The following KRT6B variants were observed in gnomAD, a reference collection of about 807,000 sequenced individuals.
The protein encoded by KRT6B is keratin, type II cytoskeletal 6B.
Under a neutral mutation model 44.7 loss-of-function variants are expected in KRT6B, and 29 were observed. The observed-to-expected ratio is 0.65, with a 90% CI of 0.48 to 0.88. The LOEUF is 0.88. KRT6B is among the 40% of genes least tolerant of loss of function. The pLI is 0.00. For missense variants in KRT6B, 600 were observed against 724.0 expected, an observed-to-expected ratio of 0.83 and a Z score of 1.97; for synonymous variants, 213 against 296.0, an observed-to-expected ratio of 0.72 and a Z score of 2.88.
chr12:52,452,060 TG>T lies in KRT6B; in HGVS notation c.18del (p.Thr7ProfsTer139). MASTS[T>X]TIRSHSSSRR... ...CGGCTGCTGCTGTGGCTCCTGATGG[TG>T]GTGGATGTGCTGGCCATGGTTCCAG... is the stretch of plus-strand genomic sequence containing the variant. On this transcript the variant is annotated frameshift_variant, in exon 1 of 9. Transcript: ENST00000252252. LOFTEE classifies it high-confidence loss of function. The T allele has an allele frequency of 6.2e-7, 1 of 1,613,838 alleles. No homozygotes were observed. Among genetic ancestry groups the T allele is most frequent in the Non-Finnish European group, 8.5e-7 (1 of 1,179,942 alleles).
Position 52,447,782 on chromosome 12 carries a change from A to C in KRT6B, c.1420T>G (p.Cys474Gly). The C allele has an allele frequency of 6.2e-7, 1 of 1,613,570 alleles. No individual in the cohort carries two copies. The highest frequency in any genetic ancestry group is 2.2e-5 in the East Asian group (1 of 44,840). Residue 474 changes from cysteine to glycine, a missense_variant, in exon 7 of 9, where the codon TGC (cysteine) becomes GGC (glycine). Physicochemically the swap from Cys to Gly is radical, Grantham distance 159. Around this residue, in one of 4 missense-constraint regions of KRT6B, gnomAD observed 479 missense variants for 454.2 expected, o/e 1.05. Coordinates refer to ENST00000252252, the MANE Select transcript of KRT6B (RefSeq NM_005555.4). ...GAAGTCGCGTCAGTTACCCACCTGC[A>C]CTCCTCGCCCTCCAGCAGCTTGCGG... Reference protein sequence around the residue: ...TYRKLLEGEECRLNGEGVGQV... With the variant: ...TYRKLLEGEEGRLNGEGVGQV...
Position 52,449,534 on chromosome 12 carries a change from T to C in KRT6B, c.1012A>G (p.Lys338Glu). The C allele has an allele frequency of 6.2e-7, 1 of 1,614,236 alleles. No homozygotes were observed. The highest frequency in any genetic ancestry group is 1.1e-5 in the South Asian group (1 of 91,084). ...LDLDSIIAEV[K>E]AQYEEIAQRS... is the part of the protein sequence containing the mutation. ...TGAGCAATCTCCTCATATTGGGCCT[T>C]GACCTCAGCGATGATGCTGTCCAGG... Residue 338 changes from lysine to glutamate, a missense_variant, in exon 5 of 9, where the codon AAG (lysine) becomes GAG (glutamate). Lys to Glu is a moderately conservative substitution (Grantham distance 56). This residue lies in a region of KRT6B where 479 missense variants were observed against 454.2 expected (regional missense o/e 1.05). Transcript: ENST00000252252.
chr12:52,450,006 G>C lies in KRT6B; in HGVS notation c.816+6C>G. 6.2e-7 allele frequency: 1 copy of C among 1,613,990 alleles called. No individual in the cohort carries two copies. Among genetic ancestry groups the C allele is most frequent in the Non-Finnish European group, 8.5e-7 (1 of 1,179,870 alleles). On this transcript the variant is annotated splice_donor_region_variant and intron_variant, in intron 3 of 8. Coordinates refer to ENST00000252252, the MANE Select transcript of KRT6B (RefSeq NM_005555.4). ...TGAATTTGAACCCCTGGCTTCATCT[G>C]CTCACCTTCTTCAGAGTCACAAATT...
intron 5 of KRT6B, among the ~76,000 whole-genome samples, chr12:52,449,265 C>G (rs7136279): frequency 0.032 from 4,825 of 152,250 alleles, 220 homozygotes; most frequent in African/African-American, 0.1. Flanking sequence ...CCTTGTCTAT[C>G]GTAGCTTGCC....
In KRT6B at chr12:52,447,979, G is replaced by A. The variant is rs764818442; in HGVS notation, c.1223C>T (p.Ala408Val). 2.0e-5 allele frequency: 32 copies of A among 1,613,992 alleles called. No homozygotes were observed. Among genetic ancestry groups the A allele is most frequent in the Non-Finnish European group, 2.6e-5 (31 of 1,180,038 alleles). Residue 408 changes from alanine (A) to valine (V), a missense_variant, in exon 7 of 9, where the codon GCC becomes GTC. Physicochemically the swap from Ala to Val is moderately conservative, Grantham distance 64 (BLOSUM62 0). Around this residue, in one of 4 missense-constraint regions of KRT6B, gnomAD observed 479 missense variants for 454.2 expected, o/e 1.05. Transcript: ENST00000252252. ...VKKQCANLQA[A>V]IADAEQRGEM... ...CCCACGCTGCTCAGCATCAGCAATG[G>A]CGGCCTGTAGGTTGGCACACTAGGA...
rs1940320255 is a variant in KRT6B at position 52,446,974 on chromosome 12, A to G, written c.*216T>C. On this transcript the variant is annotated 3_prime_UTR_variant, in exon 9 of 9. Coordinates refer to ENST00000252252, the MANE Select transcript of KRT6B (RefSeq NM_005555.4). ...TAATAATACGGGAACTAAAAAGGACATTCGCATGTCTGAGTGCTGATAACT... is the reference window on the plus strand; with the variant it reads ...TAATAATACGGGAACTAAAAAGGACGTTCGCATGTCTGAGTGCTGATAACT... 3.2e-6 allele frequency: 2 copies of G among 616,082 alleles called. No individual in the cohort carries two copies. Among genetic ancestry groups the G allele is most frequent in the East Asian group, 5.5e-5 (2 of 36,192 alleles). 38.2% of individuals were successfully genotyped at this position (616,082 alleles called of 1,614,324 possible). A position where few individuals can be genotyped will look rare whatever the true frequency, so the allele number is the denominator to read the frequency against.
chr12:52,449,269 G>A (rs1940359422), intron 5 of KRT6B, among the ~76,000 whole-genome samples, 200 bp downstream of exon 5: 2 of 152,216 alleles, frequency 1.3e-5, no homozygotes, highest in Admixed American at 1.3e-4. Flanking sequence ...GTCTATCGTA[G>A]CTTGCCTCCT....
At chr12:52,447,668 C>G in intron 7 of KRT6B, 95 bp from the exon 8 acceptor site, 1 of 1,613,944 alleles carries the variant, frequency 6.2e-7, no homozygotes, top group African/African-American at 1.3e-5. Context: ...TTTTAGTTTT[C>G]TCCCAAGAAG....
Position 52,446,980 on chromosome 12 carries a change from A to G in KRT6B, c.*210T>C, listed in dbSNP as rs1346595352. The G allele has an allele frequency of 4.8e-6, 3 of 621,688 alleles. No individual in the cohort carries two copies. Among genetic ancestry groups the G allele is most frequent in the Non-Finnish European group, 8.4e-6 (3 of 355,402 alleles). 38.5% of individuals were successfully genotyped at this position (621,688 alleles called of 1,614,324 possible). Reference sequence around the variant, plus strand: ...TACGGGAACTAAAAAGGACATTCGCATGTCTGAGTGCTGATAACTGTTGAC... The same window carrying G: ...TACGGGAACTAAAAAGGACATTCGCGTGTCTGAGTGCTGATAACTGTTGAC... On this transcript the variant is annotated 3_prime_UTR_variant, in exon 9 of 9. Transcript: ENST00000252252.
chr12:52,451,604 C>A lies in KRT6B; in HGVS notation c.475G>T (p.Val159Leu). 1.9e-6 allele frequency: 3 copies of A among 1,613,432 alleles called. No individual in the cohort carries two copies. The South Asian group carries it at 3.3e-5, about 18-fold the overall frequency. Residue 159 changes from valine (V) to leucine (L), a missense_variant, in exon 1 of 9, where the codon GTG (valine) becomes TTG (leucine). Coordinates refer to ENST00000252252, the MANE Select transcript of KRT6B (RefSeq NM_005555.4). ...ATCTGCTCACGCTCCTCGGCCCGCA[C>A]CCGCTGGATGGCGGGGTCAATTTGC... Reference protein sequence around the residue: ...NLQIDPAIQRVRAEEREQIKT... With the variant: ...NLQIDPAIQRLRAEEREQIKT...
Position 52,447,435 on chromosome 12 carries a change from G to C in KRT6B, c.1460-10C>G. On this transcript the variant is annotated splice_polypyrimidine_tract_variant and intron_variant, in intron 8 of 8. Coordinates refer to ENST00000252252, the MANE Select transcript of KRT6B (RefSeq NM_005555.4). The stretch of plus-strand genomic sequence containing the variant: ...GTGGACTGCACTACAGCTGTGGTGG[G>C]GAGGGGACAAGGACACAAGAAGCCA... 3 of 1,614,068 alleles carry C rather than the reference G, an allele frequency of 1.9e-6. No homozygotes were observed. The highest frequency in any genetic ancestry group is 2.5e-6 in the Non-Finnish European group (3 of 1,179,948).
chr12:52,447,501 T>C lies in KRT6B; in HGVS notation c.1459+38A>G, dbSNP rs746534737. The C allele has an allele frequency of 1.1e-5, 17 of 1,613,378 alleles. No individual in the cohort carries two copies. In the Admixed American group the frequency reaches 2.2e-4, roughly 21 times the overall value. On this transcript the variant is annotated intron_variant, in intron 8 of 8. Transcript: ENST00000252252. ...GCCGGCCTGAGCCCAGTCAGGAGAG[T>C]GCAAGGGCAGGGGAGGAAGGCAAAC...
At chr12:52,448,424 T>C (rs417466) in intron 6 of KRT6B, among the ~76,000 whole-genome samples, 74,081 of 152,068 alleles carry the variant, frequency 0.49, 18,340 homozygotes, top group East Asian at 0.69. Flanking sequence ...TCCTCTCACC[T>C]GCTTGGGCCA....
At position 52,448,842 on chromosome 12, in the gene KRT6B, C is replaced by G; in HGVS notation, c.1203G>C (p.Gln401His). 1 of 1,614,108 alleles carries G rather than the reference C, an allele frequency of 6.2e-7. No individual in the cohort carries two copies. Among genetic ancestry groups the G allele is most frequent in the Non-Finnish European group, 8.5e-7 (1 of 1,180,028 alleles). The change falls in exon 6 of 9, where the codon CAG (glutamine) becomes CAC (histidine). Residue 401 changes from glutamine to histidine, a missense_variant and splice_region_variant. Physicochemically the swap from Gln to His is conservative, Grantham distance 24. Transcript: ENST00000252252. ...TCTCCTCCATTGCCCCTCACCATACCTGCTTCTTGACGTGGTCGATCTCAG... is the reference window on the plus strand; with the variant it reads ...TCTCCTCCATTGCCCCTCACCATACGTGCTTCTTGACGTGGTCGATCTCAG... ...LRSEIDHVKK[Q>H]CANLQAAIAD...
chr12:52,450,641 T>C, intron 1 of KRT6B, 21 bp from the exon 2 acceptor site: 2 of 1,614,024 alleles, frequency 1.2e-6, no homozygotes, highest in Admixed American at 1.7e-5. Context: ...AGCAAAATGG[T>C]CATTTTCCAG....
At position 52,449,952 on chromosome 12, in the gene KRT6B, G is replaced by A. The variant is rs192749520; in HGVS notation, c.816+60C>T. On this transcript the variant is annotated intron_variant, in intron 3 of 8. Transcript: ENST00000252252. ...CAATTCTCCTCTCCCAGGGGAGCGA[G>A]GACACAGAGCCACTTCTCTCCTTCT... 2.1e-5 allele frequency: 34 copies of A among 1,613,810 alleles called. 2 individuals are homozygous for A. The South Asian group carries it at 2.6e-4, about 13-fold the overall frequency.
chr12:52,447,904 G>C lies in KRT6B; in HGVS notation c.1298C>G (p.Ala433Gly), dbSNP rs1175969612. 2 of 1,614,130 alleles carry C rather than the reference G, an allele frequency of 1.2e-6. No individual in the cohort carries two copies. The highest frequency in any genetic ancestry group is 2.2e-5 in the East Asian group (1 of 44,858). ...CAGGTCCTGCTTGGCCTTCTGCAGGGCATCCTCCAGCCCTTCCAGCTTGTT... is the reference window on the plus strand; with the variant it reads ...CAGGTCCTGCTTGGCCTTCTGCAGGCCATCCTCCAGCCCTTCCAGCTTGTT... ...AKNKLEGLED[A>G]LQKAKQDLAR... is the part of the protein sequence containing the mutation. The change falls in exon 7 of 9, where the codon GCC (alanine) becomes GGC (glycine). Residue 433 changes from alanine to glycine, a missense_variant. Ala to Gly is a moderately conservative substitution (Grantham distance 60, BLOSUM62 0). Transcript: ENST00000252252.
chr12:52,447,103 C>T lies in KRT6B; in HGVS notation c.*87G>A. On this transcript the variant is annotated 3_prime_UTR_variant, in exon 9 of 9. Coordinates refer to ENST00000252252, the MANE Select transcript of KRT6B (RefSeq NM_005555.4). ...CCGGGAGGGCAGGGGAGACTGGAGG[C>T]CAGGGGAGGACAAGCAACCTGAGGA... 1 of 1,557,884 alleles carries T rather than the reference C, an allele frequency of 6.4e-7. No individual in the cohort carries two copies. Among genetic ancestry groups the T allele is most frequent in the East Asian group, 2.2e-5 (1 of 44,484 alleles).
At position 52,449,634 on chromosome 12, in the gene KRT6B, C is replaced by T. The variant is rs1940366061; in HGVS notation, c.913-1G>A. On this transcript the variant is annotated splice_acceptor_variant, in intron 4 of 8. Transcript: ENST00000252252. LOFTEE classifies it high-confidence loss of function. ...TGTGGGTCTGCATCTGGGACAGCTC[C>T]TGCAGAACAGAAGGTCATAAGATCA... 1.2e-6 allele frequency: 2 copies of T among 1,614,108 alleles called. No homozygotes were observed. The highest frequency in any genetic ancestry group is 2.7e-5 in the African/African-American group (2 of 74,936).
Sources: gnomAD v4.1 joint callset for allele counts (sites outside exome capture counted in the v4.1 genomes callset) on GRCh38, gnomAD v4.1.1 for gene constraint, gnomAD v4.1.1 regional missense constraint, MANE v1.5 for transcripts, NCBI Gene and HGNC (gene_info 2026-07-23, HGNC 2026-07-21) for gene names.